ANKRD36: variants seen among roughly 807,000 people sequenced by gnomAD.
ANKRD36 encodes ankyrin repeat domain 36.
In ANKRD36, 179 loss-of-function variants were observed where a neutral mutation model predicts 278.1. That is an observed-to-expected ratio of 0.64 (90% CI 0.57 to 0.73). The LOEUF (loss-of-function observed/expected upper bound fraction) is 0.73. Among genes scored for constraint, ANKRD36 ranks in the 30% least tolerant of loss-of-function variants. ANKRD36 has a pLI of 0.00. For synonymous variants in ANKRD36, 320 were observed against 641.1 expected (o/e 0.50, Z 7.57); for missense variants, 1,159 against 1,956.7 (o/e 0.59, Z 7.69).
At chr2:97,216,553 C>T (rs1243756697) in intron 62 of ANKRD36, 9 of 172,386 alleles carry the variant, frequency 5.2e-5, no homozygotes, top group African/African-American at 1.7e-4. Context: ...GAAGGCTAAA[C>T]GAGTGGATAC....
At chr2:97,185,895 G>A (rs996374723) in intron 30 of ANKRD36, among the ~76,000 whole-genome samples, 2 of 151,738 alleles carry the variant, frequency 1.3e-5, no homozygotes, top group Non-Finnish European at 2.9e-5. Context: ...AAAAGTGATC[G>A]TAATAACCAG....
chr2:97,180,450 C>T (rs995835563), intron 24 of ANKRD36, among the ~76,000 whole-genome samples: 5 of 151,458 alleles, frequency 3.3e-5, no homozygotes, highest in African/African-American at 1.2e-4. Flanking sequence ...TTTGGGGTTT[C>T]TGCTGAGGAA....
chr2:97,181,889 A>G (rs187017369), intron 26 of ANKRD36, 96 bp downstream of exon 26: 5 of 1,121,764 alleles, frequency 4.5e-6, no homozygotes, highest in Non-Finnish European at 6.6e-6. Context: ...TTGAAGCTGC[A>G]CATTCTGATT....
chr2:97,143,098 G>A (rs2043334221), intron 8 of ANKRD36, among the ~76,000 whole-genome samples: 1 of 151,904 alleles, frequency 6.6e-6, no homozygotes, highest in Non-Finnish European at 1.5e-5. Context: ...CAAAGGGACA[G>A]CATATTCTTA....
In ANKRD36 at chr2:97,226,236, C is replaced by T. The variant is rs1349063658; in HGVS notation, c.3951+1357C>T. On this transcript the variant is annotated intron_variant, in intron 67 of 75. Transcript: ENST00000420699. ...CAATGGTTGAACTAGTTTACAGTCC[C>T]ACCAACAGTGTAAAAGTGTTCCTAT... 3.9e-5 allele frequency among the ~76,000 whole-genome samples: 6 copies of T among 151,960 alleles called. No homozygotes were observed. The East Asian group carries it at 1.2e-3, about 30-fold the overall frequency.
intron 24 of ANKRD36, among the ~76,000 whole-genome samples, 193 bp from the exon 25 acceptor site, chr2:97,181,405 T>C (rs2056161447): frequency 6.6e-6 from 1 of 151,490 alleles, no homozygotes; most frequent in South Asian, 2.1e-4. Flanking sequence ...TAAGGGTATA[T>C]TTTGTGAAGC....
intron 48 of ANKRD36, among the ~76,000 whole-genome samples, 171 bp downstream of exon 48, chr2:97,202,564 C>T (rs2061683384): frequency 6.6e-6 from 1 of 151,780 alleles, no homozygotes; most frequent in Non-Finnish European, 1.5e-5. Context: ...TGGTCTGGAA[C>T]ATGATCTTCG....
chr2:97,147,091 A>G (rs2044466700), intron 11 of ANKRD36, among the ~76,000 whole-genome samples: 1 of 151,886 alleles, frequency 6.6e-6, no homozygotes, highest in African/African-American at 2.4e-5. Flanking sequence ...CAGTCCTAGA[A>G]AAATATTATT....
chr2:97,231,250 G>C (rs758188814), intron 67 of ANKRD36, among the ~76,000 whole-genome samples: 3 of 152,166 alleles, frequency 2.0e-5, no homozygotes, highest in African/African-American at 7.2e-5. Context: ...CAGAGGTGGA[G>C]CCTACAGAGG....
rs190472111 is a variant in ANKRD36 at position 97,144,159 on chromosome 2, T to A, written c.902-359T>A. 7.4e-3 allele frequency among the ~76,000 whole-genome samples: 1,121 copies of A among 151,974 alleles called. 6 individuals are homozygous for A. The highest frequency in any genetic ancestry group is 0.013 in the South Asian group (63 of 4,790). ...GTTACATGAAAAACATGCAGGAGCA[T>A]TAATCACCTGCTTCGACATTGATTC... is the stretch of plus-strand genomic sequence containing the variant. On this transcript the variant is annotated intron_variant, in intron 8 of 75. Transcript: ENST00000420699.
intron 5 of ANKRD36, among the ~76,000 whole-genome samples, chr2:97,125,027 T>A (rs1378728301): frequency 2.0e-5 from 3 of 151,702 alleles, no homozygotes; most frequent in Non-Finnish European, 4.4e-5. Context: ...GATCATGGAA[T>A]TTTTCAAGAA....
chr2:97,167,106 G>T (rs2050956627), intron 20 of ANKRD36, among the ~76,000 whole-genome samples: 1 of 152,202 alleles, frequency 6.6e-6, no homozygotes, highest in African/African-American at 2.4e-5. Context: ...TGGCAGGAGG[G>T]CTAAAGTTGA....
intron 67 of ANKRD36, among the ~76,000 whole-genome samples, chr2:97,231,278 G>A (rs1256103494): frequency 1.3e-5 from 2 of 152,164 alleles, no homozygotes; most frequent in Admixed American, 1.3e-4. Context: ...GCCTCCTTGA[G>A]CTGTGGTGGG....
intron 67 of ANKRD36, among the ~76,000 whole-genome samples, chr2:97,226,635 T>G (rs564873721): frequency 6.6e-6 from 1 of 152,036 alleles, no homozygotes; most frequent in Non-Finnish European, 1.5e-5. Flanking sequence ...TTTAATTAGA[T>G]CCCATCTGTC....
rs544742234 is a variant in ANKRD36, at chr2:97,147,924, T to C, written c.1035-1371T>C. Among the ~76,000 whole-genome samples, 44 of 151,958 alleles carry C rather than the reference T, an allele frequency of 2.9e-4. 1 individual carries two copies. Among genetic ancestry groups the C allele is most frequent in the African/African-American group, 9.6e-4 (40 of 41,512 alleles). ...TTAGAATATGGCGTTCAAGGAGTTC[T>C]GAAGAGTTTGCTGCCTTTTTGTTTG... On this transcript the variant is annotated intron_variant, in intron 11 of 75. Transcript: ENST00000420699.
intron 6 of ANKRD36, among the ~76,000 whole-genome samples, chr2:97,129,442 A>G (rs1368520995): frequency 6.6e-6 from 1 of 151,734 alleles, no homozygotes; most frequent in East Asian, 1.9e-4. Context: ...TCTGATGGTA[A>G]TTTCTTTTGC....
intron 1 of ANKRD36, among the ~76,000 whole-genome samples, chr2:97,117,396 G>T (rs369519817): frequency 6.6e-6 from 1 of 151,800 alleles, no homozygotes; most frequent in Admixed American, 6.6e-5. Flanking sequence ...TTAATGTAAG[G>T]CATCACGGAT....
At chr2:97,226,845 G>A (rs2069873686) in intron 67 of ANKRD36, among the ~76,000 whole-genome samples, 2 of 151,572 alleles carry the variant, frequency 1.3e-5, no homozygotes, top group Admixed American at 6.6e-5. Context: ...TCTACATATG[G>A]CTAGCCAGTT....
At chr2:97,134,391 G>A (rs1254259898) in intron 6 of ANKRD36, among the ~76,000 whole-genome samples, 4 of 152,070 alleles carry the variant, frequency 2.6e-5, no homozygotes, top group Non-Finnish European at 5.9e-5. Context: ...ATCCTTCTCT[G>A]TGAGATGGGT....
Sources: allele counts gnomAD v4.1 joint callset (sites outside exome capture counted in the v4.1 genomes callset), GRCh38; gene constraint gnomAD v4.1.1; transcripts MANE v1.5; gene names NCBI Gene and HGNC (gene_info 2026-07-23, HGNC 2026-07-21).